FBXO38: variants seen among roughly 807,000 people sequenced by gnomAD.
FBXO38 encodes F-box protein 38.
Under a neutral mutation model 131.9 loss-of-function variants are expected in FBXO38, and 53 were observed. That is an observed-to-expected ratio of 0.40 (90% CI 0.32 to 0.51). FBXO38 has a LOEUF of 0.51. FBXO38 is among the 20% of genes least tolerant of loss of function. The pLI is 0.53. For missense variants in FBXO38, 1,076 were observed against 1,475.6 expected (o/e 0.73, Z 4.44); for synonymous variants, 452 against 505.6 (o/e 0.89, Z 1.42).
At position 148,433,446 on chromosome 5, in the gene FBXO38, T is replaced by C. The variant is rs200856576; in HGVS notation, c.2676T>C (p.Arg892=). 1 of 1,613,176 alleles carries C rather than the reference T, an allele frequency of 6.2e-7. No homozygotes were observed. Among genetic ancestry groups the C allele is most frequent in the African/African-American group, 1.3e-5 (1 of 74,940 alleles). Residue 892 remains arginine, a synonymous_variant, in exon 16 of 22, where the codon CGT becomes CGC. Coordinates refer to ENST00000340253, the MANE Select transcript of FBXO38 (RefSeq NM_205836.3). ...SESEVAKTKP[R]HAMKRKRTAD... is the part of the protein sequence containing the mutation. ...TAGAAGTAGCCAAAACAAAGCCACGTCACGCCATGAAACGGAAGCGGACAG... is the reference window on the plus strand; with the variant it reads ...TAGAAGTAGCCAAAACAAAGCCACGCCACGCCATGAAACGGAAGCGGACAG...
At position 148,427,517 on chromosome 5, in the gene FBXO38, T is replaced by A. The variant is rs892701086; in HGVS notation, c.2223T>A (p.Pro741=). 1 of 1,614,052 alleles carries A rather than the reference T, an allele frequency of 6.2e-7. No individual in the cohort carries two copies. Among genetic ancestry groups the A allele is most frequent in the African/African-American group, 1.3e-5 (1 of 74,920 alleles). ...VNSGGSSEPS[P]TEVDVSRQCA... ...GCGGCGGCTCTTCCGAGCCTAGCCC[T>A]ACAGAAGTGGATGTGTCCAGGCAGT... The change falls in exon 15 of 22, where the codon CCT becomes CCA. Residue 741 remains proline, a synonymous_variant. Coordinates refer to ENST00000340253, the MANE Select transcript of FBXO38 (RefSeq NM_205836.3).
intron 15 of FBXO38, among the ~76,000 whole-genome samples, chr5:148,433,043 A>C (rs1243197325): frequency 2.0e-5 from 3 of 152,248 alleles, no homozygotes; most frequent in Non-Finnish European, 4.4e-5. Context: ...ATAGCTCCAA[A>C]TGTGAAGCAT....
At chr5:148,433,201 T>G in intron 15 of FBXO38, 5 of 427,896 alleles carry the variant, frequency 1.2e-5, no homozygotes, top group African/African-American at 2.0e-5. Context: ...GACCTAGGCA[T>G]GAGAAGGGTT....
At position 148,406,311 on chromosome 5, in the gene FBXO38, G is replaced by A. The variant is rs1255912171; in HGVS notation, c.785G>A (p.Arg262Gln). ...VPLVTGLASARNLEHLEMVRV... is the reference protein window; with the variant it reads ...VPLVTGLASAQNLEHLEMVRV... ...TTAGTAACAGGCTTAGCCTCTGCCC[G>A]AAACTTGGAACACTTAGAAATGGTT... is the stretch of plus-strand genomic sequence containing the variant. The change falls in exon 7 of 22, where the codon CGA (arginine) becomes CAA (glutamine). Residue 262 changes from arginine to glutamine, a missense_variant. Arg to Gln is a conservative substitution (Grantham distance 43). Coordinates refer to ENST00000340253, the MANE Select transcript of FBXO38 (RefSeq NM_205836.3). The A allele has an allele frequency of 6.8e-6, 11 of 1,609,268 alleles. No homozygotes were observed. The African/African-American group carries it at 8.0e-5, about 12-fold the overall frequency.
intron 1 of FBXO38, among the ~76,000 whole-genome samples, chr5:148,391,445 A>T (rs1203656470): frequency 1.3e-5 from 2 of 152,208 alleles, no homozygotes; most frequent in African/African-American, 4.8e-5. Context: ...GGAAGCTTTT[A>T]CAGAGGACTT....
intron 2 of FBXO38, among the ~76,000 whole-genome samples, chr5:148,395,602 G>A (rs1758441227): frequency 6.6e-6 from 1 of 151,944 alleles, no homozygotes; most frequent in Admixed American, 6.6e-5. Flanking sequence ...AGAGACCTGA[G>A]TTTGAATCCT....
chr5:148,425,771 T>C, intron 14 of FBXO38, 70 bp downstream of exon 14: 1 of 1,356,340 alleles, frequency 7.4e-7, no homozygotes, highest in Non-Finnish European at 1.0e-6. Flanking sequence ...GGCCTTAATA[T>C]GACAACTTGG....
intron 9 of FBXO38, chr5:148,413,250 G>A (rs1013315492): frequency 6.6e-6 from 1 of 152,112 alleles, no homozygotes; most frequent in Non-Finnish European, 1.5e-5. Context: ...AAGTAAAATT[G>A]GAAGTTTGGA....
At chr5:148,393,974 C>T (rs1363967425) in intron 1 of FBXO38, among the ~76,000 whole-genome samples, 1 of 152,138 alleles carries the variant, frequency 6.6e-6, no homozygotes, top group East Asian at 1.9e-4. Flanking sequence ...TTCCTCCTCT[C>T]TCCCCTCTTT....
intron 9 of FBXO38, 73 bp from the exon 10 acceptor site, chr5:148,414,063 A>G (rs764750198): frequency 4.2e-5 from 59 of 1,416,680 alleles, no homozygotes; most frequent in Admixed American, 3.5e-4. Flanking sequence ...GACTGGTAAG[A>G]TACAAAGTTG....
At chr5:148,407,217 C>T (rs1041303128) in intron 7 of FBXO38, among the ~76,000 whole-genome samples, 12 of 151,984 alleles carry the variant, frequency 7.9e-5, no homozygotes, top group Non-Finnish European at 1.3e-4. Context: ...TGATTGATGG[C>T]GATAGTTAAC....
chr5:148,438,550 T>C, intron 18 of FBXO38, 52 bp downstream of exon 18: 1 of 1,561,414 alleles, frequency 6.4e-7, no homozygotes, highest in East Asian at 2.3e-5. Flanking sequence ...TGTTTTTCTT[T>C]TTCTTTTTCT....
intron 1 of FBXO38, among the ~76,000 whole-genome samples, chr5:148,384,470 A>C (rs1016699049): frequency 5.1e-4 from 77 of 152,244 alleles, no homozygotes; most frequent in African/African-American, 1.6e-3. Context: ...CCTGAGCAGG[A>C]AGCAGTGAAC....
At position 148,394,740 on chromosome 5, in the gene FBXO38, G is replaced by T; in HGVS notation, c.-37G>T. ...TACTTTGAACTCAAGTAAACAAAAG[G>T]GAAGATTTTCTCGTTGATACTGGAG... On this transcript the variant is annotated 5_prime_UTR_variant, in exon 2 of 22. Coordinates refer to ENST00000340253, the MANE Select transcript of FBXO38 (RefSeq NM_205836.3). 6.8e-7 allele frequency: 1 copy of T among 1,478,948 alleles called. No homozygotes were observed. The highest frequency in any genetic ancestry group is 1.4e-5 in the South Asian group (1 of 69,114). 91.6% of individuals were successfully genotyped at this position (1,478,948 alleles called of 1,614,324 possible).
chr5:148,408,370 G>A (rs1220906448), intron 7 of FBXO38, among the ~76,000 whole-genome samples: 1 of 152,142 alleles, frequency 6.6e-6, no homozygotes, highest in Non-Finnish European at 1.5e-5. Flanking sequence ...TTGCATTCCT[G>A]GCTTTAAACC....
intron 13 of FBXO38, among the ~76,000 whole-genome samples, chr5:148,424,676 A>G (rs2113618389): frequency 2.0e-5 from 3 of 152,344 alleles, no homozygotes; most frequent in Admixed American, 2.0e-4. Flanking sequence ...ATCAAGGGAC[A>G]GAATTGAAAT....
intron 9 of FBXO38, 46 bp from the exon 10 acceptor site, chr5:148,414,090 C>G (rs761381583): frequency 5.8e-6 from 9 of 1,561,116 alleles, no homozygotes; most frequent in Middle Eastern, 2.4e-4. Flanking sequence ...CTCCCTAACA[C>G]TTAAGAATTT....
intron 1 of FBXO38, among the ~76,000 whole-genome samples, chr5:148,393,192 T>TGTGTGTGTGG (rs1561512160): frequency 8.5e-6 from 1 of 118,292 alleles, no homozygotes; most frequent in African/African-American, 3.3e-5. Context: ...AAGAGGGGTG[T>TGTGTGTGTGG]GTGTGTGTGT....
At chr5:148,441,937 A>T (rs758753041) in intron 21 of FBXO38, 32 bp from the exon 22 acceptor site, 1 of 1,580,342 alleles carries the variant, frequency 6.3e-7, no homozygotes, top group Non-Finnish European at 8.6e-7. Flanking sequence ...TGATTATCAT[A>T]TGTATCTCTC....
Sources: gnomAD v4.1 joint callset for allele counts (sites outside exome capture counted in the v4.1 genomes callset) on GRCh38, gnomAD v4.1.1 for gene constraint, MANE v1.5 for transcripts, NCBI Gene and HGNC (gene_info 2026-07-23, HGNC 2026-07-21) for gene names.